MED13L: variants seen among roughly 807,000 people sequenced by gnomAD.
MED13L encodes the protein mediator of RNA polymerase II transcription subunit 13-like.
MED13L carries 7 observed loss-of-function variants against 220.9 expected under a neutral mutation model. The ratio of observed to expected loss-of-function variants is 0.03; its 90% CI spans 0.02 to 0.06. MED13L has a LOEUF of 0.06. MED13L is among the 10% of genes least tolerant of loss of function. The pLI is 1.00. For synonymous variants in MED13L, 1,011 were observed against 1,015.2 expected (o/e 1.00, Z 0.08); for missense variants, 1,965 against 2,760.5 (o/e 0.71, Z 6.46).
At chr12:116,005,315 C>T (rs1878982738) in intron 13 of MED13L, among the ~76,000 whole-genome samples, 1 of 152,150 alleles carries the variant, frequency 6.6e-6, no homozygotes, top group African/African-American at 2.4e-5. Context: ...TGCTGATCTC[C>T]AAAGAATTAT....
intron 1 of MED13L, among the ~76,000 whole-genome samples, chr12:116,258,758 AGAGT>A (rs1565954123): frequency 6.7e-6 from 1 of 149,280 alleles, no homozygotes; most frequent in African/African-American, 2.5e-5. Context: ...CCTGGGCGAC[AGAGT>A]GAGACTCCAT....
intron 2 of MED13L, chr12:116,148,516 A>G (rs762349441): frequency 9.3e-6 from 3 of 324,246 alleles, no homozygotes; most frequent in Non-Finnish European, 2.0e-5. Flanking sequence ...TAAAGATAAA[A>G]TCACTGAAAA....
In MED13L at chr12:116,079,416, G is replaced by T. The variant is rs113786729; in HGVS notation, c.479+17253C>A. Among the ~76,000 whole-genome samples, 1,287 of 152,032 alleles carry T rather than the reference G, an allele frequency of 8.5e-3. 14 individuals carry two copies. The highest frequency in any genetic ancestry group is 0.031 in the Middle Eastern group (9 of 294). ...ACCTTTTGCAGAGATGGGGGAGGGG[G>T]GGTCTCACTATATTGCTCAGGCTGG... On this transcript the variant is annotated intron_variant, in intron 4 of 30. Transcript: ENST00000281928.
At chr12:116,094,161 G>A (rs1048913105) in intron 4 of MED13L, among the ~76,000 whole-genome samples, 5 of 152,126 alleles carry the variant, frequency 3.3e-5, no homozygotes, top group Admixed American at 3.3e-4. Flanking sequence ...CATCTACCAA[G>A]AGGCTCTATT....
intron 1 of MED13L, among the ~76,000 whole-genome samples, chr12:116,254,114 C>G (rs920274847): frequency 2.6e-5 from 4 of 151,862 alleles, no homozygotes; most frequent in African/African-American, 7.3e-5. Context: ...ACGGGGATAT[C>G]AGAAAATTCA....
Position 116,183,803 on chromosome 12 carries a change from GGTGTGTGTGTGTGTGTAT to G in MED13L, c.310+53647_310+53664del, listed in dbSNP as rs1880691923. On this transcript the variant is annotated intron_variant, in intron 2 of 30. Transcript: ENST00000281928. ...TCATAAATTCTTGTGTAGAAAAAATGGTGTGTGTGTGTGTGTATGTGTGTGTGTGTGTGTGTGTGTAAA... is the reference window on the plus strand; with the variant it reads ...TCATAAATTCTTGTGTAGAAAAAATGGTGTGTGTGTGTGTGTGTGTGTAAA... 3.6e-5 allele frequency among the ~76,000 whole-genome samples: 4 copies of G among 110,164 alleles called. No homozygotes were observed. The South Asian group carries it at 1.1e-3, about 31-fold the overall frequency. The allele number at this position is 110,164 out of a possible 152,430, so 72.3% of individuals were successfully genotyped here.
chr12:116,093,775 C>A (rs1666992951), intron 4 of MED13L, among the ~76,000 whole-genome samples: 1 of 151,998 alleles, frequency 6.6e-6, no homozygotes, highest in Non-Finnish European at 1.5e-5. Context: ...TAAATTTGTA[C>A]ATTTAATTTG....
intron 1 of MED13L, among the ~76,000 whole-genome samples, chr12:116,248,907 T>A (rs896660885): frequency 2.0e-5 from 3 of 152,092 alleles, no homozygotes; most frequent in African/African-American, 7.2e-5. Flanking sequence ...TTTCAGACAC[T>A]AGACAACAGG....
chr12:116,196,767 A>C (rs1403953103), intron 2 of MED13L, among the ~76,000 whole-genome samples: 2 of 152,240 alleles, frequency 1.3e-5, no homozygotes, highest in Admixed American at 1.3e-4. Flanking sequence ...AGCTGTGTCT[A>C]CATAGCTTAA....
chr12:115,966,653 C>A (rs1270763698), intron 28 of MED13L, among the ~76,000 whole-genome samples: 1 of 152,166 alleles, frequency 6.6e-6, no homozygotes, highest in Non-Finnish European at 1.5e-5. Flanking sequence ...CAATGTGACA[C>A]CAGTATGTGC....
At chr12:116,049,882 AAATAG>A (rs1449309852) in intron 4 of MED13L, among the ~76,000 whole-genome samples, 9 of 152,350 alleles carry the variant, frequency 5.9e-5, no homozygotes, top group South Asian at 2.1e-4. Flanking sequence ...AATATTTCTT[AAATAG>A]AATAGAATTG....
At chr12:116,269,135 C>G (rs551435849) in intron 1 of MED13L, among the ~76,000 whole-genome samples, 9 of 152,134 alleles carry the variant, frequency 5.9e-5, no homozygotes, top group African/African-American at 1.2e-4. Context: ...CTCGGCTCAC[C>G]GCAACCTCCA....
intron 3 of MED13L, among the ~76,000 whole-genome samples, chr12:116,099,671 T>C (rs1352057376): frequency 6.6e-6 from 1 of 152,188 alleles, no homozygotes; most frequent in Admixed American, 6.5e-5. Flanking sequence ...TGTTCTTCTA[T>C]CAAGTAAAAG....
rs768753067 is a variant in MED13L at position 116,008,566 on chromosome 12, G to A, written c.1847C>T (p.Ala616Val). ...LPLMAEVSET[A>V]LYCGIRPSNP... ...CGAGGGCCTAATCCCACAATATAAG[G>A]CTGTCTCGCTGACCTCTGCCATGAG... Residue 616 changes from alanine to valine, a missense_variant, in exon 10 of 31, where the codon GCC becomes GTC. Transcript: ENST00000281928. 5.6e-6 allele frequency: 9 copies of A among 1,613,876 alleles called. No individual in the cohort carries two copies. Among genetic ancestry groups the A allele is most frequent in the Non-Finnish European group, 6.8e-6 (8 of 1,179,990 alleles).
chr12:116,259,354 C>T (rs1465350192), intron 1 of MED13L, among the ~76,000 whole-genome samples: 1 of 151,968 alleles, frequency 6.6e-6, no homozygotes, highest in Non-Finnish European at 1.5e-5. Context: ...CTGCGATATA[C>T]GAGAACTACA....
At chr12:116,211,943 T>C (rs889003087) in intron 2 of MED13L, among the ~76,000 whole-genome samples, 10 of 152,040 alleles carry the variant, frequency 6.6e-5, no homozygotes, top group East Asian at 1.9e-4. Context: ...TATAGTACTG[T>C]AGTTTAATAA....
intron 4 of MED13L, among the ~76,000 whole-genome samples, chr12:116,024,529 C>A (rs1880251025): frequency 6.6e-6 from 1 of 152,128 alleles, no homozygotes; most frequent in Non-Finnish European, 1.5e-5. Context: ...AGATATTAAT[C>A]CCCTGTCAGA....
intron 4 of MED13L, among the ~76,000 whole-genome samples, chr12:116,033,636 T>C (rs866158667): frequency 6.6e-6 from 1 of 152,304 alleles, no homozygotes; most frequent in African/African-American, 2.4e-5. Flanking sequence ...AATATGGTCA[T>C]GTCAGTTTGT....
chr12:116,212,426 A>G (rs1467523987), intron 2 of MED13L, among the ~76,000 whole-genome samples: 1 of 152,190 alleles, frequency 6.6e-6, no homozygotes, highest in African/African-American at 2.4e-5. Flanking sequence ...CATGAAATCA[A>G]TAAATCTTCT....
Sources: allele counts gnomAD v4.1 joint callset (sites outside exome capture counted in the v4.1 genomes callset), GRCh38; gene constraint gnomAD v4.1.1; transcripts MANE v1.5; gene names NCBI Gene and HGNC (gene_info 2026-07-23, HGNC 2026-07-21).